RARG: variants seen among roughly 807,000 people sequenced by gnomAD.
The protein encoded by RARG is RAR-gamma.
A neutral mutation model predicts 43.7 loss-of-function variants in RARG; 17 were observed. That is an observed-to-expected ratio of 0.39 (90% CI 0.27 to 0.58). The LOEUF (loss-of-function observed/expected upper bound fraction) is 0.58. Among genes scored for constraint, RARG ranks in the 20% least tolerant of loss-of-function variants. The probability of loss-of-function intolerance (pLI) is 0.57; values close to 1 mark genes in which losing one functional copy is unlikely to be tolerated. For synonymous variants in RARG, 238 were observed against 236.4 expected (o/e 1.01, Z -0.06); for missense variants, 346 against 598.7 (o/e 0.58, Z 4.40).
chr12:53,220,368 G>C, intron 3 of RARG: 1 of 935,938 alleles, frequency 1.1e-6, no homozygotes, highest in Non-Finnish European at 1.3e-6. Flanking sequence ...GCACTGGGGA[G>C]ACCTTTTTTA....
In RARG at chr12:53,213,668, C is replaced by T. The variant is rs1942673939; in HGVS notation, c.846G>A (p.Glu282=). Residue 282 remains glutamate, a synonymous_variant, in exon 8 of 10, where the codon GAG becomes GAA. Transcript: ENST00000425354. The surrounding 1 kb of genome is among the most constrained non-coding windows in gnomAD (Gnocchi z 4.7). ...CGTCGGAGAAGGTCATGGTGTCCTG[C>T]TCTGGGGTGTACCTTGTGCAGATAC... The part of the protein sequence containing the change: ...MLRICTRYTP[E]QDTMTFSDGL... 1.2e-6 allele frequency: 2 copies of T among 1,613,790 alleles called. No individual in the cohort carries two copies. Among genetic ancestry groups the T allele is most frequent in the African/African-American group, 2.7e-5 (2 of 74,948 alleles).
At position 53,215,864 on chromosome 12, in the gene RARG, A is replaced by G. The variant is rs775541697; in HGVS notation, c.185-70T>C. On this transcript the variant is annotated intron_variant, in intron 3 of 9. Transcript: ENST00000425354. The surrounding 1 kb of genome is among the most constrained non-coding windows in gnomAD (Gnocchi z 6.4). ...ACAGACCTCCAGGCTTCCTCATCACACACACCCCATGTGCATTTGTTCCTT... is the reference window on the plus strand; with the variant it reads ...ACAGACCTCCAGGCTTCCTCATCACGCACACCCCATGTGCATTTGTTCCTT... 3.4e-6 allele frequency: 5 copies of G among 1,463,978 alleles called. No homozygotes were observed. Among genetic ancestry groups the G allele is most frequent in the Non-Finnish European group, 4.6e-6 (5 of 1,092,862 alleles). 90.7% of individuals were successfully genotyped at this position (1,463,978 alleles called of 1,614,324 possible).
chr12:53,219,965 G>A (rs921624832), intron 3 of RARG: 30 of 1,516,106 alleles, frequency 2.0e-5, no homozygotes, highest in Admixed American at 1.1e-4. Flanking sequence ...AGGCTGGCGG[G>A]TTGCGGCCAG....
intron 1 of RARG, 69 bp downstream of exon 1, chr12:53,231,905 C>T (rs977716841): frequency 4.8e-5 from 19 of 394,814 alleles, no homozygotes; most frequent in African/African-American, 3.9e-4. Context: ...TCCGCGCCCC[C>T]TCCCCCAGCC....
Position 53,211,902 on chromosome 12 carries a change from G to T in RARG, c.1178-39C>A. 1 of 1,362,040 alleles carries T rather than the reference G, an allele frequency of 7.3e-7. No homozygotes were observed. 84.4% of individuals were successfully genotyped at this position (1,362,040 alleles called of 1,614,324 possible). On this transcript the variant is annotated intron_variant, in intron 9 of 9. Transcript: ENST00000425354. This position sits in a 1 kb window ranked among gnomAD's most constrained non-coding sequence, Gnocchi z 4.6. ...AGAAAGAGAGAGGCTCAGGAGGACA[G>T]AGGCACATGGCCCTTAAGGCCATCT...
chr12:53,210,938 G>A lies in RARG; in HGVS notation c.*738C>T, dbSNP rs1007527396. The A allele has an allele frequency of 3.9e-5, 6 of 152,780 alleles. No individual in the cohort carries two copies. Among genetic ancestry groups the A allele is most frequent in the Admixed American group, 3.9e-4 (6 of 15,292 alleles). 9.5% of individuals were successfully genotyped at this position (152,780 alleles called of 1,614,324 possible). A position where few individuals can be genotyped will look rare whatever the true frequency, so the allele number is the denominator to read the frequency against. On this transcript the variant is annotated 3_prime_UTR_variant, in exon 10 of 10. Transcript: ENST00000425354. ...TAAAGGGTGGAAGGCACTAGGGAGA[G>A]AGGGATCCCCTGGCCCCTCTGTAGT...
At chr12:53,229,603 A>C (rs1206609808) in intron 2 of RARG, among the ~76,000 whole-genome samples, 7 of 151,958 alleles carry the variant, frequency 4.6e-5, no homozygotes, top group Non-Finnish European at 1.0e-4. Context: ...TCCTTCTCCT[A>C]TTCCCCTCCG....
intron 3 of RARG, among the ~76,000 whole-genome samples, chr12:53,216,478 A>G (rs1565721829): frequency 6.6e-6 from 1 of 152,192 alleles, no homozygotes; most frequent in Non-Finnish European, 1.5e-5. Context: ...GATGCACCAC[A>G]GCCTTGGTTC....
intron 5 of RARG, 38 bp from the exon 6 acceptor site, chr12:53,214,644 C>CA (rs773336067): frequency 6.4e-7 from 1 of 1,565,920 alleles, no homozygotes; most frequent in Non-Finnish European, 8.7e-7. Flanking sequence ...TCAGGACCCT[C>CA]AGAGCCTCCC....
chr12:53,214,990 A>AG, intron 5 of RARG: 1 of 467,926 alleles, frequency 2.1e-6, no homozygotes, highest in African/African-American at 2.0e-5. Context: ...GGCTCAGTCC[A>AG]GGGGAGGGAA....
chr12:53,219,905 C>A, intron 3 of RARG: 1 of 1,439,414 alleles, frequency 6.9e-7, no homozygotes. Context: ...GTAAATCCCA[C>A]CCTCTCCTGC....
chr12:53,216,848 G>C (rs566824473), intron 3 of RARG, among the ~76,000 whole-genome samples: 4 of 118,474 alleles, frequency 3.4e-5, no homozygotes, highest in African/African-American at 1.6e-4. Flanking sequence ...GTGTGCGCGC[G>C]CGCGCGCGCG....
chr12:53,226,292 A>G (rs904311841), intron 3 of RARG, among the ~76,000 whole-genome samples: 5 of 147,754 alleles, frequency 3.4e-5, no homozygotes, highest in Admixed American at 6.7e-5. Flanking sequence ...CACGCCCACT[A>G]ATTTTTGTAT....
In RARG at chr12:53,232,082, T is replaced by TG. The variant is rs981684442; in HGVS notation, c.-319dup. On this transcript the variant is annotated 5_prime_UTR_variant, in exon 1 of 10. Transcript: ENST00000425354. ...GGGGCTCGCCGTACTGGGGGGCTCC[T>TG]GGGGGGGCACGGCTCTAGGCTGGGA... 7.3e-5 allele frequency: 29 copies of TG among 397,972 alleles called. No individual in the cohort carries two copies. Among genetic ancestry groups the TG allele is most frequent in the Non-Finnish European group, 9.7e-5 (22 of 225,916 alleles). The allele number at this position is 397,972 out of a possible 1,614,324, so 24.7% of individuals were successfully genotyped here. A position where few individuals can be genotyped will look rare whatever the true frequency, so the allele number is the denominator to read the frequency against.
chr12:53,229,899 C>A (rs1377368804), intron 2 of RARG: 1 of 931,050 alleles, frequency 1.1e-6, no homozygotes. Context: ...ATGCTCAGCT[C>A]CTGATCCTCA....
chr12:53,219,518 A>T (rs1199215868), intron 3 of RARG, among the ~76,000 whole-genome samples: 4 of 152,202 alleles, frequency 2.6e-5, no homozygotes, highest in African/African-American at 9.6e-5. Context: ...TCCCACACCC[A>T]CACCACCTAG....
intron 2 of RARG, among the ~76,000 whole-genome samples, chr12:53,230,875 GTGTGTGTA>G (rs1393743519): frequency 1.3e-4 from 20 of 148,220 alleles, no homozygotes; most frequent in Admixed American, 3.3e-4. Flanking sequence ...GTGTGTGTGT[GTGTGTGTA>G]TGTCTGTCTA....
chr12:53,214,619 G>A lies in RARG; in HGVS notation c.476-13C>T, dbSNP rs759687536. 1 of 1,592,770 alleles carries A rather than the reference G, an allele frequency of 6.3e-7. No homozygotes were observed. Among genetic ancestry groups the A allele is most frequent in the African/African-American group, 1.3e-5 (1 of 74,646 alleles). ...TCATTTCGCACAGCTTGTGGGTGGA[G>A]GCGCAAGGAGAGGGTCAGGACCCTC... On this transcript the variant is annotated splice_polypyrimidine_tract_variant and intron_variant, in intron 5 of 9. Coordinates refer to ENST00000425354, the MANE Select transcript of RARG (RefSeq NM_000966.6).
In RARG at chr12:53,213,996, A is replaced by C. The variant is rs1942684273; in HGVS notation, c.813+63T>G. ...GGTAAGGAAATCTTTGCATGGATCAAGGAATTGTTGAGGGTCCCATATGTG... is the reference window on the plus strand; with the variant it reads ...GGTAAGGAAATCTTTGCATGGATCACGGAATTGTTGAGGGTCCCATATGTG... On this transcript the variant is annotated intron_variant, in intron 7 of 9. Coordinates refer to ENST00000425354, the MANE Select transcript of RARG (RefSeq NM_000966.6). The surrounding 1 kb of genome is among the most constrained non-coding windows in gnomAD (Gnocchi z 4.7). The C allele has an allele frequency of 6.6e-7, 1 of 1,524,520 alleles. No homozygotes were observed. Among genetic ancestry groups the C allele is most frequent in the African/African-American group, 1.4e-5 (1 of 73,058 alleles). 94.4% of individuals were successfully genotyped at this position (1,524,520 alleles called of 1,614,324 possible).
Sources: allele counts gnomAD v4.1 joint callset (sites outside exome capture counted in the v4.1 genomes callset), GRCh38; gene constraint gnomAD v4.1.1; non-coding constraint Gnocchi (gnomAD v3.1); transcripts MANE v1.5; gene names NCBI Gene and HGNC (gene_info 2026-07-23, HGNC 2026-07-21).